Variants in ZNF420 observed in about 807,000 individuals in gnomAD.
ZNF420 encodes the protein zinc finger protein 420.
In ZNF420, 31 loss-of-function variants were observed where a neutral mutation model predicts 44.7. That is an observed-to-expected ratio of 0.69 (90% CI 0.52 to 0.94). The LOEUF (loss-of-function observed/expected upper bound fraction) is 0.94. ZNF420 is among the 40% of genes least tolerant of loss of function. ZNF420 has a pLI of 0.00. For missense variants in ZNF420, 681 were observed against 827.9 expected (o/e 0.82, Z 2.18); for synonymous variants, 245 against 267.4 (o/e 0.92, Z 0.82).
intron 1 of ZNF420, among the ~76,000 whole-genome samples, chr19:37,066,077 AAG>A (rs890384776): frequency 1.1e-4 from 17 of 152,234 alleles, no homozygotes; most frequent in African/African-American, 4.1e-4. Context: ...GCAAAAGAAA[AAG>A]AATTGACAAA....
Position 37,037,058 on chromosome 19 carries a change from C to T in ZNF420, c.-125+28976C>T, listed in dbSNP as rs117174482. Among the ~76,000 whole-genome samples, 316 of 152,292 alleles carry T rather than the reference C, an allele frequency of 2.1e-3. 1 individual carries two copies. The highest frequency in any genetic ancestry group is 3.4e-3 in the Middle Eastern group (1 of 294). On this transcript the variant is annotated intron_variant, in intron 1 of 4. Transcript: ENST00000587029. ...CCTCACTTGAGAAGCCTTGCGTACCCCCGTGTGGGGGACTCCCTAGGCCCC... is the reference window on the plus strand; with the variant it reads ...CCTCACTTGAGAAGCCTTGCGTACCTCCGTGTGGGGGACTCCCTAGGCCCC...
intron 1 of ZNF420, among the ~76,000 whole-genome samples, chr19:37,063,091 T>TATCCATCCATCC (rs10675375): frequency 6.6e-6 from 1 of 151,450 alleles, no homozygotes; most frequent in African/African-American, 2.4e-5. Flanking sequence ...CTCTTCGATC[T>TATCCATCCATCC]ATCCATCCAT....
rs372185064 is a variant in ZNF420, at chr19:37,057,115, G to A, written c.-124-23230G>A. Among the ~76,000 whole-genome samples the A allele has an allele frequency of 7.2e-5, 11 of 152,304 alleles. No individual in the cohort carries two copies. The East Asian group carries it at 1.9e-3, about 27-fold the overall frequency. On this transcript the variant is annotated intron_variant, in intron 1 of 4. Transcript: ENST00000587029. ...CCCTCCATGGCAGTGCTTGGGTGTCGGGGCTTTGAGGCTCTGGCCTGACCT... is the reference window on the plus strand; with the variant it reads ...CCCTCCATGGCAGTGCTTGGGTGTCAGGGCTTTGAGGCTCTGGCCTGACCT...
At chr19:37,026,650 TG>T (rs1008404587) in intron 1 of ZNF420, among the ~76,000 whole-genome samples, 3 of 151,944 alleles carry the variant, frequency 2.0e-5, no homozygotes, top group Non-Finnish European at 4.4e-5. Context: ...TTAGTAGGTA[TG>T]GGGTTTTGCC....
chr19:37,074,246 A>C (rs1243237510), upstream of ZNF420, among the ~76,000 whole-genome samples: 1 of 152,222 alleles, frequency 6.6e-6, no homozygotes, highest in Admixed American at 6.5e-5. Flanking sequence ...CCTTGAACCA[A>C]AGTAATAAAA....
chr19:37,122,401 G>A (rs1971098085), intron 4 of ZNF420, among the ~76,000 whole-genome samples: 3 of 151,206 alleles, frequency 2.0e-5, no homozygotes, highest in South Asian at 4.2e-4. Context: ...CTCATAGGTG[G>A]GAATTGAACA....
intron 4 of ZNF420, among the ~76,000 whole-genome samples, chr19:37,121,961 C>T (rs1024760221): frequency 2.6e-5 from 4 of 152,138 alleles, no homozygotes; most frequent in Non-Finnish European, 4.4e-5. Context: ...AGTCAGGAAA[C>T]AACAGGTGCT....
chr19:37,036,255 C>T (rs2562609), intron 1 of ZNF420, among the ~76,000 whole-genome samples: 83,199 of 152,096 alleles, frequency 0.55, 23,941 homozygotes, highest in African/African-American at 0.71. Context: ...CCAACACAAA[C>T]AATTGATAAA....
At chr19:37,121,625 G>C (rs1243494062) in intron 4 of ZNF420, among the ~76,000 whole-genome samples, 1 of 152,116 alleles carries the variant, frequency 6.6e-6, no homozygotes, top group Non-Finnish European at 1.5e-5. Context: ...ACTGACAAAT[G>C]GGATCTAATT....
intron 1 of ZNF420, among the ~76,000 whole-genome samples, chr19:37,061,926 C>CTGAGCAACTTAACAACTCTT: frequency 6.6e-6 from 1 of 152,292 alleles, no homozygotes; most frequent in East Asian, 1.9e-4. Flanking sequence ...AATCATTGCT[C>CTGAGCAACTTAACAACTCTT]TGAGCAACTT....
intron 4 of ZNF420, among the ~76,000 whole-genome samples, chr19:37,126,443 G>C (rs955173617): frequency 3.3e-5 from 5 of 152,152 alleles, no homozygotes; most frequent in African/African-American, 1.2e-4. Context: ...GAAGACCATG[G>C]AAGGGGAAAT....
intron 4 of ZNF420, among the ~76,000 whole-genome samples, chr19:37,093,862 C>T (rs1304656869): frequency 6.6e-6 from 1 of 151,962 alleles, no homozygotes; most frequent in Non-Finnish European, 1.5e-5. Context: ...TGAGAAGTGA[C>T]TGCTAATGAA....
chr19:37,119,727 C>A (rs1290032627), intron 4 of ZNF420, among the ~76,000 whole-genome samples: 1 of 151,592 alleles, frequency 6.6e-6, no homozygotes, highest in Non-Finnish European at 1.5e-5. Context: ...AGACTGCTAG[C>A]AAGACTAATA....
chr19:37,108,872 C>A (rs1001833324), intron 4 of ZNF420, among the ~76,000 whole-genome samples: 2 of 152,196 alleles, frequency 1.3e-5, no homozygotes, highest in Non-Finnish European at 2.9e-5. Context: ...TATAATAGTT[C>A]CAAATTCATC....
chr19:37,037,018 C>T (rs1391956947), intron 1 of ZNF420, among the ~76,000 whole-genome samples: 2 of 152,164 alleles, frequency 1.3e-5, no homozygotes, highest in East Asian at 1.9e-4. Context: ...TCCCTTTCAT[C>T]GTAGGTAGCC....
At chr19:37,018,194 A>C (rs73933448) in intron 1 of ZNF420, among the ~76,000 whole-genome samples, 35 of 152,362 alleles carry the variant, frequency 2.3e-4, no homozygotes, top group African/African-American at 8.2e-4. Context: ...TGGATTGGGA[A>C]ATTTAATATT....
chr19:37,025,129 CA>C, intron 1 of ZNF420: 1 of 358,826 alleles, frequency 2.8e-6, no homozygotes. Flanking sequence ...ACATTCCAAA[CA>C]TTTATAGGGT....
intron 1 of ZNF420, among the ~76,000 whole-genome samples, chr19:37,072,792 A>AAAT (rs1555753363): frequency 1.3e-5 from 2 of 152,250 alleles, no homozygotes; most frequent in African/African-American, 2.4e-5. Context: ...ACATCATATT[A>AAAT]ACAAATTTTA....
intron 1 of ZNF420, among the ~76,000 whole-genome samples, chr19:37,018,140 GA>G (rs1237446259): frequency 6.6e-6 from 1 of 151,880 alleles, no homozygotes; most frequent in African/African-American, 2.4e-5. Context: ...TATCATTCCT[GA>G]AAAAAAATTA....
Sources: gnomAD v4.1 joint callset for allele counts (sites outside exome capture counted in the v4.1 genomes callset) on GRCh38, gnomAD v4.1.1 for gene constraint, MANE v1.5 for transcripts, NCBI Gene and HGNC (gene_info 2026-07-23, HGNC 2026-07-21) for gene names.